ZNF385D: variants seen among roughly 807,000 people sequenced by gnomAD.
The protein encoded by ZNF385D is zinc finger protein 385D, also known as zinc finger protein 659.
In ZNF385D, 15 loss-of-function variants were observed where a neutral mutation model predicts 35.8. That is an observed-to-expected ratio of 0.42 (90% confidence interval 0.28 to 0.64). The LOEUF is 0.64. Ranked by LOEUF, ZNF385D falls within the 30% of genes least tolerant of loss-of-function variation. The pLI is 0.23. For synonymous variants in ZNF385D, 212 were observed against 186.8 expected (o/e 1.13, Z -1.10); for missense variants, 474 against 494.6 (o/e 0.96, Z 0.39).
At chr3:21,644,248 G>T (rs1012160336) in intron 2 of ZNF385D, among the ~76,000 whole-genome samples, 1 of 152,034 alleles carries the variant, frequency 6.6e-6, no homozygotes, top group Non-Finnish European at 1.5e-5. Flanking sequence ...TAAAATAAAT[G>T]TGAGCTATAT....
upstream of ZNF385D, among the ~76,000 whole-genome samples, chr3:21,753,875 T>C (rs552928123): frequency 1.3e-5 from 2 of 152,250 alleles, no homozygotes; most frequent in East Asian, 3.9e-4. Flanking sequence ...GTAACCATTT[T>C]ATTCCTGTTT....
chr3:22,190,282 C>A lies in ZNF385D; in HGVS notation c.107-21247G>T, dbSNP rs569174045. The stretch of plus-strand genomic sequence containing the variant: ...ACATTCTGTCCATGATATGGTATAT[C>A]CTCTGGGCTCACATACTGCAGCATG... On this transcript the variant is annotated intron_variant, in intron 2 of 5. Coordinates refer to the ZNF385D transcript ENST00000494108. Among the ~76,000 whole-genome samples, 3 of 152,188 alleles carry A rather than the reference C, an allele frequency of 2.0e-5. No homozygotes were observed. The East Asian group carries it at 5.8e-4, about 29-fold the overall frequency.
intron 3 of ZNF385D, among the ~76,000 whole-genome samples, chr3:21,880,515 T>C (rs1448247159): frequency 6.6e-6 from 1 of 152,022 alleles, no homozygotes; most frequent in Non-Finnish European, 1.5e-5. Flanking sequence ...TGATAAATGT[T>C]GTGTCTGACC....
At chr3:21,484,293 T>C (rs1182354753) in intron 4 of ZNF385D, among the ~76,000 whole-genome samples, 6 of 152,112 alleles carry the variant, frequency 3.9e-5, no homozygotes, top group African/African-American at 1.4e-4. Flanking sequence ...TAGAAGTGGT[T>C]CATAGGAAAA....
rs535574795 is a variant in ZNF385D at position 21,660,141 on chromosome 3, C to T, written c.165+4745G>A. 7.2e-5 allele frequency among the ~76,000 whole-genome samples: 11 copies of T among 152,070 alleles called. No homozygotes were observed. In the South Asian group the frequency reaches 8.3e-4, roughly 11 times the overall value. On this transcript the variant is annotated intron_variant, in intron 2 of 7. Transcript: ENST00000281523. ...TCTCTCTTTATCCCCCTCTCTTCCCCACCTCCTCTCTTTGCTCTTTCTCTT... is the reference window on the plus strand; with the variant it reads ...TCTCTCTTTATCCCCCTCTCTTCCCTACCTCCTCTCTTTGCTCTTTCTCTT...
intron 3 of ZNF385D, among the ~76,000 whole-genome samples, chr3:21,892,377 C>T (rs1391591387): frequency 6.6e-6 from 1 of 152,108 alleles, no homozygotes; most frequent in Non-Finnish European, 1.5e-5. Flanking sequence ...ATAAATTCCT[C>T]CAGATATCTC....
Position 21,464,555 on chromosome 3 carries a change from T to A in ZNF385D, c.440-27352A>T, listed in dbSNP as rs190940687. Among the ~76,000 whole-genome samples, 710 of 152,272 alleles carry A rather than the reference T, an allele frequency of 4.7e-3. 3 individuals carry two copies. Among genetic ancestry groups the A allele is most frequent in the Non-Finnish European group, 8.0e-3 (544 of 68,024 alleles). Reference sequence around the variant, plus strand: ...TCTGGAACATTATATTAGCTTCAGATACAACAGTCAACTCTTCCTTAAATA... The same window carrying A: ...TCTGGAACATTATATTAGCTTCAGAAACAACAGTCAACTCTTCCTTAAATA... On this transcript the variant is annotated intron_variant, in intron 4 of 7. Coordinates refer to ENST00000281523, the MANE Select transcript of ZNF385D (RefSeq NM_024697.3).
chr3:21,622,710 G>A (rs977216126), intron 2 of ZNF385D, among the ~76,000 whole-genome samples: 4 of 151,992 alleles, frequency 2.6e-5, no homozygotes, highest in Non-Finnish European at 5.9e-5. Context: ...TATTGGTAAT[G>A]ATTATTATTT....
At chr3:21,664,765 T>C in intron 2 of ZNF385D, 121 bp downstream of exon 2, 1 of 1,368,102 alleles carries the variant, frequency 7.3e-7, no homozygotes, top group Admixed American at 1.8e-5. Flanking sequence ...TTATGGCTTC[T>C]AGACAAACCA....
At chr3:21,621,961 A>AT (rs1179723561) in intron 2 of ZNF385D, among the ~76,000 whole-genome samples, 1 of 151,726 alleles carries the variant, frequency 6.6e-6, no homozygotes. Flanking sequence ...ACTCTTCTGG[A>AT]TTTTAACTTT....
At chr3:21,546,304 A>G (rs2062370085) in intron 3 of ZNF385D, among the ~76,000 whole-genome samples, 1 of 152,096 alleles carries the variant, frequency 6.6e-6, no homozygotes, top group Non-Finnish European at 1.5e-5. Flanking sequence ...GTTCTGAGCA[A>G]TTATCCTGCA....
At chr3:21,802,152 G>A (rs932220362) in intron 3 of ZNF385D, among the ~76,000 whole-genome samples, 3 of 151,930 alleles carry the variant, frequency 2.0e-5, no homozygotes, top group Admixed American at 6.6e-5. Flanking sequence ...TCTAATTAAT[G>A]GCTCATCAAA....
At chr3:21,754,597 T>G (rs1360977930), upstream of ZNF385D, among the ~76,000 whole-genome samples, 1 of 152,150 alleles carries the variant, frequency 6.6e-6, no homozygotes, top group African/African-American at 2.4e-5. Context: ...GGTTTATCAG[T>G]GTACTAATTC....
intron 2 of ZNF385D, among the ~76,000 whole-genome samples, chr3:22,171,266 T>C (rs1694403471): frequency 1.3e-5 from 2 of 152,204 alleles, no homozygotes. Flanking sequence ...AATGTATGCA[T>C]ATATTTGGAA....
intron 2 of ZNF385D, among the ~76,000 whole-genome samples, chr3:22,189,102 G>A (rs972902895): frequency 1.3e-5 from 2 of 151,936 alleles, no homozygotes; most frequent in East Asian, 3.9e-4. Context: ...CATTTCTACA[G>A]TTTTTTTCAG....
At position 21,610,515 on chromosome 3, in the gene ZNF385D, A is replaced by T. The variant is rs564988504; in HGVS notation, c.166-45831T>A. 3.3e-5 allele frequency among the ~76,000 whole-genome samples: 5 copies of T among 152,282 alleles called. No homozygotes were observed. In the East Asian group the frequency reaches 9.7e-4, roughly 29 times the overall value. On this transcript the variant is annotated intron_variant, in intron 2 of 7. Coordinates refer to ENST00000281523, the MANE Select transcript of ZNF385D (RefSeq NM_024697.3). ...GCCGGGCGCGGTGGCTCACGCCTGT[A>T]ATCCCAGCACTCTGGGAGGCCAAGG...
At chr3:22,272,298 T>C (rs934663964) in intron 2 of ZNF385D, among the ~76,000 whole-genome samples, 1 of 152,000 alleles carries the variant, frequency 6.6e-6, no homozygotes, top group Admixed American at 6.6e-5. Context: ...TGCATCATAA[T>C]CTATTGTCTT....
chr3:21,658,803 T>C (rs947926846), intron 2 of ZNF385D, among the ~76,000 whole-genome samples: 4 of 152,042 alleles, frequency 2.6e-5, no homozygotes, highest in Non-Finnish European at 5.9e-5. Context: ...GCATTTACTT[T>C]TAAAGAACTT....
intron 3 of ZNF385D, among the ~76,000 whole-genome samples, chr3:22,123,978 A>G (rs1385394575): frequency 1.4e-5 from 2 of 141,630 alleles, no homozygotes; most frequent in African/African-American, 5.3e-5. Context: ...ATATATATAT[A>G]TATATATATA....
Sources: allele counts gnomAD v4.1 joint callset (sites outside exome capture counted in the v4.1 genomes callset), GRCh38; gene constraint gnomAD v4.1.1; transcripts MANE v1.5; gene names NCBI Gene and HGNC (gene_info 2026-07-23, HGNC 2026-07-21).